Variants in SORL1 observed in about 807,000 individuals in gnomAD.
The protein encoded by SORL1 is sortilin-related receptor.
Under a neutral mutation model 273.7 loss-of-function variants are expected in SORL1, and 127 were observed. The observed-to-expected ratio is 0.46, with a 90% CI of 0.40 to 0.54. The LOEUF is 0.54. Among genes scored for constraint, SORL1 ranks in the 20% least tolerant of loss-of-function variants. The pLI is 0.00. For missense variants in SORL1, 2,494 were observed against 2,846.1 expected, an observed-to-expected ratio of 0.88 and a Z score of 2.81; for synonymous variants, 1,031 against 1,067.4, an observed-to-expected ratio of 0.97 and a Z score of 0.66.
intron 2 of SORL1, 29 bp from the exon 3 acceptor site, chr11:121,478,089 T>G (rs1320556761): frequency 6.3e-7 from 1 of 1,583,468 alleles, no homozygotes; most frequent in East Asian, 2.2e-5. Context: ...CAACTCTTTC[T>G]TTTTCATCTC....
chr11:121,490,035 C>G lies in SORL1; in HGVS notation c.691-8C>G, dbSNP rs1486387362. The G allele has an allele frequency of 2.4e-5, 38 of 1,611,644 alleles. No individual in the cohort carries two copies. Among genetic ancestry groups the G allele is most frequent in the Non-Finnish European group, 2.5e-5 (30 of 1,177,778 alleles). On this transcript the variant is annotated splice_polypyrimidine_tract_variant and splice_region_variant and intron_variant, in intron 4 of 47. Coordinates refer to ENST00000260197, the MANE Select transcript of SORL1 (RefSeq NM_003105.6). Reference sequence around the variant, plus strand: ...TGCCTCTTGCATCATGACCACTTGTCTTTGCAGCTGTGGAAGTCAGATGAC... The same window carrying G: ...TGCCTCTTGCATCATGACCACTTGTGTTTGCAGCTGTGGAAGTCAGATGAC...
intron 2 of SORL1, among the ~76,000 whole-genome samples, chr11:121,476,389 C>G (rs1431720990): frequency 1.3e-5 from 2 of 152,146 alleles, no homozygotes; most frequent in Non-Finnish European, 2.9e-5. Context: ...AACTGTGACT[C>G]AGATAAAGGC....
rs1231663522 is a variant in SORL1 at position 121,550,179 on chromosome 11, C to A, written c.2180+91C>A. ...AGGACCGTCTGGATTGCTCTACACT[C>A]GAAATTCTAGAATTCCAAGTTAACA... On this transcript the variant is annotated intron_variant, in intron 15 of 47. Coordinates refer to ENST00000260197, the MANE Select transcript of SORL1 (RefSeq NM_003105.6). The surrounding 1 kb of genome is among the most constrained non-coding windows in gnomAD (Gnocchi z 5.3). 4 of 1,328,020 alleles carry A rather than the reference C, an allele frequency of 3.0e-6. No individual in the cohort carries two copies. Among genetic ancestry groups the A allele is most frequent in the Non-Finnish European group, 4.1e-6 (4 of 982,920 alleles). The allele number at this position is 1,328,020 out of a possible 1,614,324, so 82.3% of individuals were successfully genotyped here.
rs779684511 is a variant in SORL1, at chr11:121,559,611, C to T, written c.3003C>T (p.Leu1001=). The change falls in exon 21 of 48, where the codon CTC becomes CTT. Residue 1001 remains leucine (L), a synonymous_variant. Transcript: ENST00000260197. The stretch of plus-strand genomic sequence containing the variant: ...AGATGGAGATTCTGGCAAACCAGCT[C>T]ACGGGGCTCATGGACATGAAGATTT... ...GSQMEILANQ[L]TGLMDMKIFY... is the part of the protein sequence containing the mutation. The T allele has an allele frequency of 6.2e-7, 1 of 1,614,128 alleles. No homozygotes were observed. The highest frequency in any genetic ancestry group is 1.1e-5 in the South Asian group (1 of 91,088).
chr11:121,534,899 C>T (rs1298837011), intron 12 of SORL1, among the ~76,000 whole-genome samples: 1 of 152,150 alleles, frequency 6.6e-6, no homozygotes, highest in Non-Finnish European at 1.5e-5. Flanking sequence ...TATAGGCTGT[C>T]CCATTCATTT....
rs1172883885 is a variant in SORL1, at chr11:121,630,740, A to T, written c.*1177A>T. 6.6e-6 allele frequency: 1 copy of T among 152,234 alleles called. No individual in the cohort carries two copies. The highest frequency in any genetic ancestry group is 1.5e-5 in the Non-Finnish European group (1 of 68,044). The allele number at this position is 152,234 out of a possible 1,614,324, so 9.4% of individuals were successfully genotyped here. On this transcript the variant is annotated 3_prime_UTR_variant, in exon 48 of 48. Transcript: ENST00000260197. ...AGATCTAAAAAGTTGAGACTACTCAATCCAGTTAACAACAGCAGGAGCACT... is the reference window on the plus strand; with the variant it reads ...AGATCTAAAAAGTTGAGACTACTCATTCCAGTTAACAACAGCAGGAGCACT...
chr11:121,453,968 T>A (rs1008033383), intron 1 of SORL1, among the ~76,000 whole-genome samples: 10 of 152,196 alleles, frequency 6.6e-5, no homozygotes, highest in African/African-American at 1.9e-4. Flanking sequence ...GAGCGTTGGA[T>A]TTCCCTCCAC....
At chr11:121,576,804 A>G in intron 24 of SORL1, 1 of 1,519,732 alleles carries the variant, frequency 6.6e-7, no homozygotes, top group Non-Finnish European at 8.8e-7. Context: ...GGAGCTCAGC[A>G]CTGATTTTAC....
At chr11:121,535,027 G>A (rs566119969) in intron 12 of SORL1, among the ~76,000 whole-genome samples, 10 of 151,994 alleles carry the variant, frequency 6.6e-5, no homozygotes, top group Non-Finnish European at 1.3e-4. Flanking sequence ...AGGTTACCAG[G>A]CACTTAGCAA....
In SORL1 at chr11:121,631,627, G is replaced by A. The variant is rs1565361504; in HGVS notation, c.*2064G>A. ...GATGTTATTTTCAGTTATTCCATAG[G>A]CAAGCCTTTTTACAGAGCATATGTC... is the stretch of plus-strand genomic sequence containing the variant. On this transcript the variant is annotated 3_prime_UTR_variant, in exon 48 of 48. Coordinates refer to ENST00000260197, the MANE Select transcript of SORL1 (RefSeq NM_003105.6). 6.6e-6 allele frequency: 1 copy of A among 152,058 alleles called. No individual in the cohort carries two copies. The highest frequency in any genetic ancestry group is 1.5e-5 in the Non-Finnish European group (1 of 68,014). The allele number at this position is 152,058 out of a possible 1,614,324, so 9.4% of individuals were successfully genotyped here. A position where few individuals can be genotyped will look rare whatever the true frequency, so the allele number is the denominator to read the frequency against.
chr11:121,625,419 G>C (rs776283342), intron 46 of SORL1, 142 bp downstream of exon 46: 7 of 688,136 alleles, frequency 1.0e-5, no homozygotes, highest in Non-Finnish European at 1.7e-5. Flanking sequence ...TATCAGTTTG[G>C]TCAGGTAGTG....
Position 121,466,208 on chromosome 11 carries a change from A to G in SORL1, c.286-3799A>G, listed in dbSNP as rs144770280. Among the ~76,000 whole-genome samples the G allele has an allele frequency of 1.2e-4, 18 of 152,124 alleles. No homozygotes were observed. In the East Asian group the frequency reaches 3.5e-3, roughly 29 times the overall value. ...AGACAGGGGAGAGGGAAGGTTGTTC[A>G]CACCCCGGGGTTGTGGTTATAGCTG... On this transcript the variant is annotated intron_variant, in intron 1 of 47. Coordinates refer to ENST00000260197, the MANE Select transcript of SORL1 (RefSeq NM_003105.6).
At chr11:121,593,867 C>T (rs139653504) in intron 31 of SORL1, among the ~76,000 whole-genome samples, 2,736 of 152,240 alleles carry the variant, frequency 0.018, 53 homozygotes, top group South Asian at 0.063. Context: ...CCCAGTTTTT[C>T]TCTTTTTAGT....
Position 121,627,801 on chromosome 11 carries a change from C to T in SORL1, c.6577+34C>T. ...GGCAGGGAGAGTCGGTTCTTCCTCCCAGGGCTGACCCCCACGCAGCCAATG... is the reference window on the plus strand; with the variant it reads ...GGCAGGGAGAGTCGGTTCTTCCTCCTAGGGCTGACCCCCACGCAGCCAATG... On this transcript the variant is annotated intron_variant, in intron 47 of 47. Transcript: ENST00000260197. The surrounding 1 kb of genome is among the most constrained non-coding windows in gnomAD (Gnocchi z 4.9). The T allele has an allele frequency of 6.6e-7, 1 of 1,505,962 alleles. No individual in the cohort carries two copies. Among genetic ancestry groups the T allele is most frequent in the South Asian group, 1.1e-5 (1 of 87,002 alleles). 93.3% of individuals were successfully genotyped at this position (1,505,962 alleles called of 1,614,324 possible). A position where few individuals can be genotyped will look rare whatever the true frequency, so the allele number is the denominator to read the frequency against.
At chr11:121,620,005 A>G in intron 43 of SORL1, 88 bp downstream of exon 43, 4 of 1,049,618 alleles carry the variant, frequency 3.8e-6, no homozygotes, top group East Asian at 2.4e-5. Flanking sequence ...TAATGGGGCA[A>G]GAAACACAGG....
intron 22 of SORL1, among the ~76,000 whole-genome samples, chr11:121,569,522 G>A (rs7118902): frequency 0.4 from 60,781 of 151,970 alleles, 13,333 homozygotes; most frequent in East Asian, 0.57. Flanking sequence ...TTCGAGGGGC[G>A]GCCATCTTTT....
chr11:121,462,928 A>G (rs1436967713), intron 1 of SORL1, among the ~76,000 whole-genome samples: 2 of 152,220 alleles, frequency 1.3e-5, no homozygotes, highest in East Asian at 3.8e-4. Context: ...CTTGATAAAT[A>G]CTTATTGACT....
At chr11:121,494,311 A>G (rs937180075) in intron 5 of SORL1, among the ~76,000 whole-genome samples, 1 of 152,222 alleles carries the variant, frequency 6.6e-6, no homozygotes, top group African/African-American at 2.4e-5. Flanking sequence ...AGGTTTCCCC[A>G]TAATAAGTGA....
Position 121,627,814 on chromosome 11 carries a change from C to G in SORL1, c.6577+47C>G, listed in dbSNP as rs763358255. The stretch of plus-strand genomic sequence containing the variant: ...GGTTCTTCCTCCCAGGGCTGACCCC[C>G]ACGCAGCCAATGACTTGATTAGGAA... On this transcript the variant is annotated intron_variant, in intron 47 of 47. Coordinates refer to ENST00000260197, the MANE Select transcript of SORL1 (RefSeq NM_003105.6). This position sits in a 1 kb window ranked among gnomAD's most constrained non-coding sequence, Gnocchi z 4.9. 1 of 1,401,746 alleles carries G rather than the reference C, an allele frequency of 7.1e-7. No individual in the cohort carries two copies. Among genetic ancestry groups the G allele is most frequent in the Non-Finnish European group, 9.9e-7 (1 of 1,005,834 alleles). 86.8% of individuals were successfully genotyped at this position (1,401,746 alleles called of 1,614,324 possible).
Sources: allele counts gnomAD v4.1 joint callset (sites outside exome capture counted in the v4.1 genomes callset), GRCh38; gene constraint gnomAD v4.1.1; non-coding constraint Gnocchi (gnomAD v3.1); transcripts MANE v1.5; gene names NCBI Gene and HGNC (gene_info 2026-07-23, HGNC 2026-07-21).